Variants in CFDP1 observed in about 807,000 individuals in gnomAD.
CFDP1 encodes the protein chromatin remodeling protein CFDP1, also known as heterochromatin-stabilizing protein CFDP1.
In CFDP1, 31 loss-of-function variants were observed where a neutral mutation model predicts 40.1. The ratio of observed to expected loss-of-function variants is 0.77; its 90% CI spans 0.58 to 1.04. CFDP1 has a LOEUF of 1.04. Among genes scored for constraint, CFDP1 ranks in the 50% least tolerant of loss-of-function variants. The pLI, the probability that CFDP1 is intolerant of heterozygous loss-of-function variation, is 0.00. For synonymous variants in CFDP1, 167 were observed against 120.0 expected (o/e 1.39, Z -2.56); for missense variants, 423 against 343.4 (o/e 1.23, Z -1.83).
intron 5 of CFDP1, among the ~76,000 whole-genome samples, chr16:75,330,942 A>G: frequency 6.7e-6 from 1 of 149,834 alleles, no homozygotes; most frequent in East Asian, 2.0e-4. Flanking sequence ...TTATGATAAA[A>G]TGAAGCAAAT....
intron 5 of CFDP1, among the ~76,000 whole-genome samples, chr16:75,341,058 CA>C (rs2078523296): frequency 1.3e-5 from 2 of 152,172 alleles, no homozygotes; most frequent in African/African-American, 4.8e-5. Context: ...ACATTTGGCC[CA>C]AAGACACACT....
rs565171485 is a variant in CFDP1 at position 75,433,373 on chromosome 16, G to A, written c.-21C>T. 11 of 1,579,842 alleles carry A rather than the reference G, an allele frequency of 7.0e-6. No individual in the cohort carries two copies. In the East Asian group the frequency reaches 1.8e-4, roughly 26 times the overall value. On this transcript the variant is annotated 5_prime_UTR_variant, in exon 1 of 7. Transcript: ENST00000283882. ...TCCATGTTGCTGCCGCTCGACGCTG[G>A]TCAAACTCACAAGACCGCAGCAGCC...
Position 75,335,097 on chromosome 16 carries a change from G to C in CFDP1, c.651-29915C>G, listed in dbSNP as rs536054686. 2.0e-5 allele frequency among the ~76,000 whole-genome samples: 3 copies of C among 152,264 alleles called. No individual in the cohort carries two copies. The South Asian group carries it at 6.2e-4, about 32-fold the overall frequency. On this transcript the variant is annotated intron_variant, in intron 5 of 6. Transcript: ENST00000283882. ...ACCCCTAAAATTATTCTTCATGTGG[G>C]TTACAGTCCACGGACCTACCTAATC... is the stretch of plus-strand genomic sequence containing the variant.
intron 1 of CFDP1, among the ~76,000 whole-genome samples, chr16:75,431,166 A>G (rs1276572969): frequency 1.3e-5 from 2 of 151,828 alleles, no homozygotes; most frequent in Non-Finnish European, 2.9e-5. Context: ...AAAAAAAAAC[A>G]CTGGGCCTGG....
chr16:75,334,393 G>C (rs892842123), intron 5 of CFDP1, among the ~76,000 whole-genome samples: 1 of 151,046 alleles, frequency 6.6e-6, no homozygotes, highest in African/African-American at 2.4e-5. Context: ...GAGACAATCC[G>C]GCCAGCCCGA....
intron 5 of CFDP1, among the ~76,000 whole-genome samples, chr16:75,369,613 C>A (rs2078738216): frequency 6.6e-6 from 1 of 152,194 alleles, no homozygotes; most frequent in South Asian, 2.1e-4. Context: ...AAGCAATTTG[C>A]AAATCTGTCT....
Position 75,391,798 on chromosome 16 carries a change from G to A in CFDP1, c.650+3292C>T, listed in dbSNP as rs1046821260. Among the ~76,000 whole-genome samples the A allele has an allele frequency of 7.9e-5, 12 of 151,248 alleles. No individual in the cohort carries two copies. In the South Asian group the frequency reaches 8.4e-4, roughly 11 times the overall value. On this transcript the variant is annotated intron_variant, in intron 5 of 6. Coordinates refer to ENST00000283882, the MANE Select transcript of CFDP1 (RefSeq NM_006324.3). ...AGCCTGGACAACATGGTGAAACCCC[G>A]TCTCTACTAAAAATACAAAAATCAG...
At chr16:75,382,606 T>C (rs1597369882) in intron 5 of CFDP1, among the ~76,000 whole-genome samples, 1 of 152,340 alleles carries the variant, frequency 6.6e-6, no homozygotes, top group Admixed American at 6.5e-5. Flanking sequence ...AATTTGGATT[T>C]AGTTAACCCC....
chr16:75,300,275 C>G (rs182400701), intron 6 of CFDP1, among the ~76,000 whole-genome samples: 50 of 152,164 alleles, frequency 3.3e-4, no homozygotes, highest in African/African-American at 1.2e-3. Flanking sequence ...GACAGGAAAT[C>G]AAGGATGAAG....
At chr16:75,330,087 C>T (rs2078434320) in intron 5 of CFDP1, among the ~76,000 whole-genome samples, 1 of 152,184 alleles carries the variant, frequency 6.6e-6, no homozygotes, top group Admixed American at 6.5e-5. Flanking sequence ...GAACAGAGTC[C>T]CAATATTTGC....
At chr16:75,393,705 T>C (rs1371142565) in intron 5 of CFDP1, among the ~76,000 whole-genome samples, 2 of 121,974 alleles carry the variant, frequency 1.6e-5, no homozygotes, top group East Asian at 4.9e-4. Context: ...CAGTCCGCAG[T>C]CCGGCCTGGG....
In CFDP1 at chr16:75,332,502, T is replaced by A. The variant is rs970967877; in HGVS notation, c.651-27320A>T. Reference sequence around the variant, plus strand: ...TAAAATAAAATAAAATAAAATAAAATAAAAAATAAAATACAGTAGCTCGAT... The same window carrying A: ...TAAAATAAAATAAAATAAAATAAAAAAAAAAATAAAATACAGTAGCTCGAT... On this transcript the variant is annotated intron_variant, in intron 5 of 6. Transcript: ENST00000283882. 2.0e-5 allele frequency among the ~76,000 whole-genome samples: 3 copies of A among 151,240 alleles called. No homozygotes were observed. In the East Asian group the frequency reaches 5.8e-4, roughly 29 times the overall value.
chr16:75,302,672 A>G (rs1313390954), intron 6 of CFDP1, among the ~76,000 whole-genome samples: 1 of 152,242 alleles, frequency 6.6e-6, no homozygotes, highest in Non-Finnish European at 1.5e-5. Flanking sequence ...GCTGTCTCAG[A>G]TCACTGTGCA....
At chr16:75,352,030 A>G (rs1433106425) in intron 5 of CFDP1, among the ~76,000 whole-genome samples, 1 of 116,534 alleles carries the variant, frequency 8.6e-6, no homozygotes, top group Non-Finnish European at 1.9e-5. Flanking sequence ...AAAAAAAAAA[A>G]AAAGAAAAGG....
chr16:75,331,830 C>G (rs539924734), intron 5 of CFDP1, among the ~76,000 whole-genome samples: 4 of 152,200 alleles, frequency 2.6e-5, no homozygotes, highest in Non-Finnish European at 5.9e-5. Flanking sequence ...TGGATGAAAA[C>G]TTAGAATTGC....
intron 5 of CFDP1, among the ~76,000 whole-genome samples, chr16:75,356,057 G>T (rs1242714446): frequency 6.6e-6 from 1 of 152,146 alleles, no homozygotes; most frequent in Non-Finnish European, 1.5e-5. Context: ...CTAAACTCCT[G>T]TTCCTGTGGA....
intron 4 of CFDP1, among the ~76,000 whole-genome samples, chr16:75,398,733 C>G (rs1192591332): frequency 1.3e-5 from 2 of 152,126 alleles, no homozygotes; most frequent in Admixed American, 6.6e-5. Flanking sequence ...TTGAGCCTTC[C>G]CAGCTCTGGC....
intron 5 of CFDP1, among the ~76,000 whole-genome samples, chr16:75,361,557 C>A (rs1433254854): frequency 1.3e-5 from 2 of 152,074 alleles, no homozygotes; most frequent in Non-Finnish European, 2.9e-5. Flanking sequence ...GCGGAGGTTG[C>A]TGTGAGCTGA....
At chr16:75,308,959 G>C (rs1245273646) in intron 5 of CFDP1, among the ~76,000 whole-genome samples, 1 of 152,206 alleles carries the variant, frequency 6.6e-6, no homozygotes, top group Non-Finnish European at 1.5e-5. Flanking sequence ...TTTTGGGGAA[G>C]GCTTCCAACT....
Sources: gnomAD v4.1 joint callset for allele counts (sites outside exome capture counted in the v4.1 genomes callset) on GRCh38, gnomAD v4.1.1 for gene constraint, MANE v1.5 for transcripts, NCBI Gene and HGNC (gene_info 2026-07-23, HGNC 2026-07-21) for gene names.